PLPP3: variants seen among roughly 807,000 people sequenced by gnomAD.
The protein encoded by PLPP3 is phospholipid phosphatase 3.
In PLPP3, 6 loss-of-function variants were observed where a neutral mutation model predicts 29.6. The observed-to-expected ratio is 0.20, with a 90% CI of 0.11 to 0.40. The LOEUF (loss-of-function observed/expected upper bound fraction) is 0.40. Ranked by LOEUF, PLPP3 falls within the 10% of genes least tolerant of loss-of-function variation. The pLI is 1.00. For missense variants in PLPP3, 308 were observed against 407.7 expected (o/e 0.76, Z 2.11); for synonymous variants, 152 against 159.7 (o/e 0.95, Z 0.36).
intron 1 of PLPP3, among the ~76,000 whole-genome samples, chr1:56,540,234 C>G (rs1284186384): frequency 2.6e-5 from 4 of 152,074 alleles, no homozygotes; most frequent in African/African-American, 9.7e-5. Flanking sequence ...ATTCATTCAA[C>G]AAATATTTAT....
At chr1:56,562,903 T>C (rs1473352129) in intron 1 of PLPP3, among the ~76,000 whole-genome samples, 2 of 152,186 alleles carry the variant, frequency 1.3e-5, no homozygotes, top group Non-Finnish European at 2.9e-5. Context: ...TCTCCACAAA[T>C]ACTGGGAGAG....
At chr1:56,542,685 G>C (rs1335292946) in intron 1 of PLPP3, among the ~76,000 whole-genome samples, 1 of 152,092 alleles carries the variant, frequency 6.6e-6, no homozygotes, top group Admixed American at 6.6e-5. Context: ...ACAAAAATAG[G>C]CATCTGGTAT....
chr1:56,501,392 C>T (rs1029277666), intron 5 of PLPP3, among the ~76,000 whole-genome samples: 20 of 152,076 alleles, frequency 1.3e-4, no homozygotes, highest in African/African-American at 4.6e-4. Flanking sequence ...AGTGATTGCC[C>T]CCCACGCCAG....
At chr1:56,518,715 T>TTTTATATATATATA (rs1553136509) in intron 4 of PLPP3, among the ~76,000 whole-genome samples, 2 of 126,692 alleles carry the variant, frequency 1.6e-5, no homozygotes. Flanking sequence ...TTTTAATCAT[T>TTTTATATATATATA]TATATATATA....
intron 5 of PLPP3, among the ~76,000 whole-genome samples, chr1:56,502,935 C>T (rs1557496576): frequency 6.6e-6 from 1 of 152,152 alleles, no homozygotes; most frequent in African/African-American, 2.4e-5. Context: ...CTGGGATTTC[C>T]TTTTAGCTTT....
At chr1:56,555,835 A>G (rs1485172361) in intron 1 of PLPP3, among the ~76,000 whole-genome samples, 1 of 152,194 alleles carries the variant, frequency 6.6e-6, no homozygotes, top group Non-Finnish European at 1.5e-5. Flanking sequence ...AGGTAAGTCT[A>G]GTGTGTGTGC....
chr1:56,559,542 A>AC (rs34620107), intron 1 of PLPP3, among the ~76,000 whole-genome samples: 1 of 139,212 alleles, frequency 7.2e-6, no homozygotes, highest in East Asian at 2.1e-4. Flanking sequence ...GTGAGCCACC[A>AC]CCCCCAGCCT....
intron 1 of PLPP3, among the ~76,000 whole-genome samples, chr1:56,564,712 C>T (rs1437625119): frequency 1.3e-5 from 2 of 152,088 alleles, no homozygotes; most frequent in Non-Finnish European, 2.9e-5. Context: ...TTTTAATTTC[C>T]CAGCCAGTCC....
chr1:56,503,083 G>A (rs7528118), intron 5 of PLPP3, among the ~76,000 whole-genome samples: 26,429 of 149,788 alleles, frequency 0.18, 2,918 homozygotes, highest in Non-Finnish European at 0.25. Context: ...TTTGGCAGCC[G>A]TTTTTTTTTT....
chr1:56,517,585 C>T (rs1039213364), intron 4 of PLPP3, among the ~76,000 whole-genome samples: 22 of 152,336 alleles, frequency 1.4e-4, no homozygotes, highest in Admixed American at 9.8e-4. Flanking sequence ...AGCCACAGTA[C>T]TTGCTCAAGG....
chr1:56,508,619 T>C (rs775558918), intron 5 of PLPP3, among the ~76,000 whole-genome samples: 32 of 152,196 alleles, frequency 2.1e-4, no homozygotes, highest in South Asian at 4.1e-4. Context: ...CTTCCTGGCA[T>C]TCCCTGGGAC....
At chr1:56,560,171 C>G (rs1431972404) in intron 1 of PLPP3, among the ~76,000 whole-genome samples, 1 of 152,124 alleles carries the variant, frequency 6.6e-6, no homozygotes. Context: ...AGGACTGAAA[C>G]CTCTCCCCAT....
rs182646490 is a variant in PLPP3 at position 56,523,257 on chromosome 1, A to G, written c.633+566T>C. 3.9e-5 allele frequency among the ~76,000 whole-genome samples: 6 copies of G among 152,316 alleles called. No individual in the cohort carries two copies. The East Asian group carries it at 1.2e-3, about 29-fold the overall frequency. ...ATCCTTAAAGCCCTTCCATCCGTAG[A>G]ATATAGAGGACTGACATGGTGAACG... On this transcript the variant is annotated intron_variant, in intron 4 of 5. Transcript: ENST00000371250.
intron 2 of PLPP3, among the ~76,000 whole-genome samples, chr1:56,534,703 G>A (rs1305379102): frequency 6.6e-6 from 1 of 152,112 alleles, no homozygotes; most frequent in Non-Finnish European, 1.5e-5. Context: ...AGCTTTTCCA[G>A]AACTGAGAAT....
At chr1:56,522,688 A>C (rs936430630) in intron 4 of PLPP3, among the ~76,000 whole-genome samples, 8 of 152,204 alleles carry the variant, frequency 5.3e-5, no homozygotes, top group Admixed American at 1.3e-4. Context: ...AAAATAAATA[A>C]ATAAAACAAA....
chr1:56,515,670 C>T (rs1295154290), intron 4 of PLPP3, among the ~76,000 whole-genome samples: 1 of 152,114 alleles, frequency 6.6e-6, no homozygotes, highest in Non-Finnish European at 1.5e-5. Context: ...GAGCTTGTTC[C>T]CTGATATCCA....
At chr1:56,574,697 GCCTTAA>G (rs1167145059) in intron 1 of PLPP3, among the ~76,000 whole-genome samples, 1 of 152,162 alleles carries the variant, frequency 6.6e-6, no homozygotes, top group East Asian at 1.9e-4. Context: ...TCAACGTATT[GCCTTAA>G]CCTTAATAAA....
intron 4 of PLPP3, among the ~76,000 whole-genome samples, chr1:56,520,929 A>AG (rs1288479421): frequency 0.086 from 12,545 of 145,128 alleles, 739 homozygotes; most frequent in Non-Finnish European, 0.12. Context: ...AAAAAAAAAA[A>AG]AAAAAAGAAA....
At position 56,551,301 on chromosome 1, in the gene PLPP3, G is replaced by C. The variant is rs536024651; in HGVS notation, c.140-14189C>G. Among the ~76,000 whole-genome samples the C allele has an allele frequency of 6.5e-4, 48 of 73,784 alleles. 2 individuals are homozygous for C. Among genetic ancestry groups the C allele is most frequent in the African/African-American group, 2.0e-3 (45 of 22,074 alleles). 48.4% of individuals were successfully genotyped at this position (73,784 alleles called of 152,430 possible). A position where few individuals can be genotyped will look rare whatever the true frequency, so the allele number is the denominator to read the frequency against. ...TTGGGGTTTGGTTTGGTTCGGTTCG[G>C]TTCGGTTCGGTTCGGTTCGGTTTGG... On this transcript the variant is annotated intron_variant, in intron 1 of 5. Coordinates refer to ENST00000371250, the MANE Select transcript of PLPP3 (RefSeq NM_003713.5).
Sources: allele counts gnomAD v4.1 joint callset (sites outside exome capture counted in the v4.1 genomes callset), GRCh38; gene constraint gnomAD v4.1.1; transcripts MANE v1.5; gene names NCBI Gene and HGNC (gene_info 2026-07-23, HGNC 2026-07-21).